The following IPO11 variants were observed in gnomAD, a reference collection of about 807,000 sequenced individuals.
IPO11 encodes the protein importin 11, also known as importin-11.
A neutral mutation model predicts 143.2 loss-of-function variants in IPO11; 66 were observed. The ratio of observed to expected loss-of-function variants is 0.46; its 90% CI spans 0.38 to 0.57. IPO11 has a LOEUF of 0.57. IPO11 is among the 20% of genes least tolerant of loss of function. The pLI is 0.00. For synonymous variants in IPO11, 385 were observed against 377.8 expected, an observed-to-expected ratio of 1.02 and a Z score of -0.22; for missense variants, 1,026 against 1,141.0, an observed-to-expected ratio of 0.90 and a Z score of 1.45.
intron 26 of IPO11, among the ~76,000 whole-genome samples, chr5:62,554,297 T>A (rs1011839906): frequency 6.6e-6 from 1 of 152,194 alleles, no homozygotes; most frequent in Non-Finnish European, 1.5e-5. Flanking sequence ...CCCATTTGTC[T>A]ATTTTTCCTT....
At chr5:62,551,486 G>T in intron 26 of IPO11, 150 bp downstream of exon 26, 1 of 495,360 alleles carries the variant, frequency 2.0e-6, no homozygotes, top group Admixed American at 3.2e-5. Flanking sequence ...TCAATAATTT[G>T]GGGTAGAAAA....
intron 6 of IPO11, 132 bp downstream of exon 6, chr5:62,467,395 A>G: frequency 1.1e-6 from 1 of 926,684 alleles, no homozygotes; most frequent in Non-Finnish European, 1.6e-6. Flanking sequence ...CCTGAAAGAT[A>G]AGGGCTTATT....
chr5:62,424,608 A>G (rs1006391846), intron 1 of IPO11, among the ~76,000 whole-genome samples: 1 of 126,768 alleles, frequency 7.9e-6, no homozygotes, highest in African/African-American at 3.0e-5. Context: ...TTTAATTTTT[A>G]TTTTTTGTAG....
intron 26 of IPO11, among the ~76,000 whole-genome samples, chr5:62,552,049 G>A (rs768765096): frequency 3.3e-5 from 5 of 152,062 alleles, no homozygotes; most frequent in African/African-American, 4.8e-5. Flanking sequence ...GCGTGAACCC[G>A]GGAGGCAGAG....
At position 62,531,379 on chromosome 5, in the gene IPO11, T is replaced by C. The variant is rs114037324; in HGVS notation, c.2089+594T>C. 9.1e-3 allele frequency among the ~76,000 whole-genome samples: 1,390 copies of C among 152,258 alleles called. 21 individuals carry two copies. The highest frequency in any genetic ancestry group is 0.032 in the African/African-American group (1,310 of 41,556). On this transcript the variant is annotated intron_variant, in intron 22 of 29. Coordinates refer to ENST00000325324, the MANE Select transcript of IPO11 (RefSeq NM_016338.5). The stretch of plus-strand genomic sequence containing the variant: ...GAGATGGAGTTTCACTCTTGTTGCG[T>C]GGGCTGGAGTGTAGTGGTGTGATCT...
chr5:62,436,395 A>G (rs1744236784), intron 1 of IPO11, among the ~76,000 whole-genome samples: 1 of 152,136 alleles, frequency 6.6e-6, no homozygotes, highest in African/African-American at 2.4e-5. Flanking sequence ...ATACAGTACA[A>G]CGCTATTCCC....
chr5:62,429,620 GTGTGTGTA>G (rs1344283369), intron 1 of IPO11, among the ~76,000 whole-genome samples: 8 of 149,606 alleles, frequency 5.3e-5, no homozygotes, highest in Non-Finnish European at 8.9e-5. Flanking sequence ...GTGTGTGTGT[GTGTGTGTA>G]TGTGTTTATT....
intron 29 of IPO11, among the ~76,000 whole-genome samples, chr5:62,613,509 C>T (rs1746008663): frequency 6.6e-6 from 1 of 151,810 alleles, no homozygotes; most frequent in African/African-American, 2.4e-5. Flanking sequence ...TGCCATGTTG[C>T]CCAGGCTCGT....
chr5:62,572,972 A>G (rs1046300258), intron 27 of IPO11, among the ~76,000 whole-genome samples: 1 of 151,168 alleles, frequency 6.6e-6, no homozygotes, highest in Non-Finnish European at 1.5e-5. Context: ...TTTGTTACGA[A>G]AAACCTCCTA....
intron 24 of IPO11, among the ~76,000 whole-genome samples, chr5:62,547,151 T>C (rs1028861006): frequency 6.6e-6 from 1 of 152,146 alleles, no homozygotes; most frequent in Non-Finnish European, 1.5e-5. Context: ...ACATCCCTGG[T>C]GGGATGTAAC....
chr5:62,435,100 G>GTA (rs1338717489), intron 1 of IPO11, among the ~76,000 whole-genome samples: 7 of 62,196 alleles, frequency 1.1e-4, no homozygotes, highest in Non-Finnish European at 1.3e-4. Context: ...ATGTATATAT[G>GTA]TATATATATG....
intron 11 of IPO11, among the ~76,000 whole-genome samples, chr5:62,484,816 T>TA (rs1746337974): frequency 1.3e-5 from 2 of 152,012 alleles, no homozygotes; most frequent in Non-Finnish European, 2.9e-5. Context: ...TTGTAATACT[T>TA]ATCTTCGCCA....
chr5:62,571,398 T>C (rs1036859015), intron 27 of IPO11, among the ~76,000 whole-genome samples: 2 of 152,216 alleles, frequency 1.3e-5, no homozygotes, highest in Non-Finnish European at 2.9e-5. Flanking sequence ...CTTATTATGA[T>C]AAATTGGAGA....
intron 5 of IPO11, among the ~76,000 whole-genome samples, chr5:62,461,563 T>C (rs993223638): frequency 2.0e-5 from 3 of 152,234 alleles, no homozygotes; most frequent in African/African-American, 7.2e-5. Flanking sequence ...TCCAGCCATT[T>C]GTGTAGAGAC....
chr5:62,439,429 G>T (rs2112135855), intron 2 of IPO11, among the ~76,000 whole-genome samples: 1 of 151,572 alleles, frequency 6.6e-6, no homozygotes, highest in East Asian at 2.0e-4. Context: ...TGGGACTACA[G>T]GTGCCCGCCA....
intron 27 of IPO11, among the ~76,000 whole-genome samples, chr5:62,586,764 AAAAAATATAT>A (rs1437955851): frequency 3.6e-5 from 3 of 83,144 alleles, no homozygotes; most frequent in Non-Finnish European, 7.2e-5. Flanking sequence ...AAAAAAAAAA[AAAAAATATAT>A]ATATATATAT....
At chr5:62,563,144 A>T (rs1331308683) in intron 27 of IPO11, among the ~76,000 whole-genome samples, 1 of 152,206 alleles carries the variant, frequency 6.6e-6, no homozygotes, top group African/African-American at 2.4e-5. Flanking sequence ...TTATTTTTGA[A>T]AGCCAAATTT....
At chr5:62,548,139 A>C (rs1226702909) in intron 24 of IPO11, among the ~76,000 whole-genome samples, 1 of 152,142 alleles carries the variant, frequency 6.6e-6, no homozygotes, top group Non-Finnish European at 1.5e-5. Context: ...TGTTTACGTC[A>C]TGATTCCTCT....
At chr5:62,473,358 A>G (rs1438055377) in intron 7 of IPO11, among the ~76,000 whole-genome samples, 1 of 152,100 alleles carries the variant, frequency 6.6e-6, no homozygotes, top group Non-Finnish European at 1.5e-5. Flanking sequence ...AATGACAGAG[A>G]GAAGGAAGGA....
Sources: gnomAD v4.1 joint callset for allele counts (sites outside exome capture counted in the v4.1 genomes callset) on GRCh38, gnomAD v4.1.1 for gene constraint, MANE v1.5 for transcripts, NCBI Gene and HGNC (gene_info 2026-07-23, HGNC 2026-07-21) for gene names.